CHGB: variants seen among roughly 807,000 people sequenced by gnomAD.
The protein encoded by CHGB is chromogranin B, also known as secretogranin-1.
In CHGB, 46 loss-of-function variants were observed where a neutral mutation model predicts 69.9. That is an observed-to-expected ratio of 0.66 (90% confidence interval 0.52 to 0.84). The LOEUF is 0.84. Among genes scored for constraint, CHGB ranks in the 40% least tolerant of loss-of-function variants. The pLI is 0.00. For synonymous variants in CHGB, 312 were observed against 298.2 expected, an observed-to-expected ratio of 1.05 and a Z score of -0.48; for missense variants, 796 against 822.2, an observed-to-expected ratio of 0.97 and a Z score of 0.39.
intron 4 of CHGB, among the ~76,000 whole-genome samples, 176 bp from the exon 5 acceptor site, chr20:5,924,796 A>T (rs2088540152): frequency 6.6e-6 from 1 of 152,178 alleles, no homozygotes; most frequent in Non-Finnish European, 1.5e-5. Flanking sequence ...TGCATTTCTG[A>T]CAAGTTCCTG....
At chr20:5,921,513 T>C (rs2088513840) in intron 3 of CHGB, among the ~76,000 whole-genome samples, 1 of 152,232 alleles carries the variant, frequency 6.6e-6, no homozygotes, top group South Asian at 2.1e-4. Flanking sequence ...GAGCTATTGA[T>C]ATTTGGAAAA....
chr20:5,922,849 T>C lies in CHGB; in HGVS notation c.705T>C (p.Ser235=). The stretch of plus-strand genomic sequence containing the variant: ...AGAAGACACATAGCCGAGAGAAGAG[T>C]AGCCAGGAGAGTGGAGAGGAGACAG... ...SQEKTHSREK[S]SQESGEETGS... The change falls in exon 4 of 5, where the codon AGT becomes AGC. Residue 235 remains serine (S), a synonymous_variant. Coordinates refer to ENST00000378961, the MANE Select transcript of CHGB (RefSeq NM_001819.3). 6.2e-7 allele frequency: 1 copy of C among 1,612,406 alleles called. No homozygotes were observed. The highest frequency in any genetic ancestry group is 8.5e-7 in the Non-Finnish European group (1 of 1,179,554).
In CHGB at chr20:5,923,267, C is replaced by A; in HGVS notation, c.1123C>A (p.Pro375Thr). The change falls in exon 4 of 5, where the codon CCT becomes ACT. Residue 375 changes from proline (P) to threonine (T), a missense_variant. Physicochemically the swap from Pro to Thr is conservative, Grantham distance 38. Coordinates refer to ENST00000378961, the MANE Select transcript of CHGB (RefSeq NM_001819.3). ...AAGTGAAGAATACAGGGCTCCAAGA[C>A]CTCAGAGTGAGGAGAGTTGGGATGA... Reference protein sequence around the residue: ...RGSEEYRAPRPQSEESWDEED... With the variant: ...RGSEEYRAPRTQSEESWDEED... The A allele has an allele frequency of 3.1e-6, 5 of 1,613,682 alleles. No homozygotes were observed. The highest frequency in any genetic ancestry group is 4.2e-6 in the Non-Finnish European group (5 of 1,179,972).
intron 1 of CHGB, 59 bp downstream of exon 1, chr20:5,911,741 G>A: frequency 7.4e-7 from 1 of 1,342,396 alleles, no homozygotes; most frequent in Non-Finnish European, 9.6e-7. Flanking sequence ...GCTCTTCCCC[G>A]CCGCTCCCGC....
intron 3 of CHGB, among the ~76,000 whole-genome samples, chr20:5,920,294 G>A (rs886391650): frequency 6.6e-6 from 1 of 152,256 alleles, no homozygotes; most frequent in African/African-American, 2.4e-5. Context: ...GCCCCTGGAG[G>A]CTGAGATCTT....
intron 1 of CHGB, among the ~76,000 whole-genome samples, chr20:5,912,631 T>C (rs1260226219): frequency 6.6e-6 from 1 of 151,580 alleles, no homozygotes; most frequent in Non-Finnish European, 1.5e-5. Context: ...AGATCTGAAG[T>C]GTGTGTGTGT....
intron 1 of CHGB, 105 bp downstream of exon 1, chr20:5,911,787 T>C: frequency 1.8e-6 from 2 of 1,097,144 alleles, no homozygotes; most frequent in Non-Finnish European, 2.4e-6. Flanking sequence ...GAGGGAGGGT[T>C]GAGGGGAAGG....
chr20:5,925,045 G>A lies in CHGB; in HGVS notation c.2030G>A (p.Gly677Asp), dbSNP rs1568552867. 1 of 1,610,232 alleles carries A rather than the reference G, an allele frequency of 6.2e-7. No individual in the cohort carries two copies. Among genetic ancestry groups the A allele is most frequent in the South Asian group, 1.1e-5 (1 of 90,904 alleles). The change falls in exon 5 of 5, where the codon GGC becomes GAC. Residue 677 changes from glycine (G) to aspartate (D), a missense_variant. Around this residue, in one of 3 missense-constraint regions of CHGB, gnomAD observed 274 missense variants for 298.9 expected, o/e 0.92. Transcript: ENST00000378961. ...QKIAEKFSQR[G>D] ...ATAGCTGAGAAATTCAGCCAAAGGG[G>A]CTGACTGTCATTGGAGCGGTGGGCA...
intron 3 of CHGB, among the ~76,000 whole-genome samples, chr20:5,919,845 T>G (rs1303895722): frequency 6.6e-6 from 1 of 152,210 alleles, no homozygotes; most frequent in East Asian, 1.9e-4. Context: ...CTCCCACTCC[T>G]ACTTGCATGT....
chr20:5,917,178 T>C, intron 3 of CHGB: 3 of 486,378 alleles, frequency 6.2e-6, no homozygotes, highest in Non-Finnish European at 1.1e-5. Flanking sequence ...TTGAACTCAG[T>C]GATAGTCTTT....
chr20:5,922,395 G>T lies in CHGB; in HGVS notation c.251G>T (p.Arg84Ile). The change falls in exon 4 of 5, where the codon AGA becomes ATA. Residue 84 changes from arginine to isoleucine, a missense_variant. Coordinates refer to ENST00000378961, the MANE Select transcript of CHGB (RefSeq NM_001819.3). Reference protein sequence around the residue: ...TENENTKFEVRLLRDPADASE... With the variant: ...TENENTKFEVILLRDPADASE... ...AATGAAAACACAAAGTTTGAAGTAAGATTGTTAAGAGACCCAGCTGATGCC... is the reference window on the plus strand; with the variant it reads ...AATGAAAACACAAAGTTTGAAGTAATATTGTTAAGAGACCCAGCTGATGCC... 1 of 1,595,096 alleles carries T rather than the reference G, an allele frequency of 6.3e-7. No homozygotes were observed. The highest frequency in any genetic ancestry group is 8.6e-7 in the Non-Finnish European group (1 of 1,167,180).
rs1381388192 is a variant in CHGB at position 5,924,964 on chromosome 20, T to C, written c.1957-8T>C. On this transcript the variant is annotated splice_region_variant and splice_polypyrimidine_tract_variant and intron_variant, in intron 4 of 4. Coordinates refer to ENST00000378961, the MANE Select transcript of CHGB (RefSeq NM_001819.3). ...GACCTCATGCCTCCACTTTTCTGTA[T>C]TTTCCAGAAAAAAGAACTCGAAAAC... 1 of 1,598,766 alleles carries C rather than the reference T, an allele frequency of 6.3e-7. No individual in the cohort carries two copies. Among genetic ancestry groups the C allele is most frequent in the African/African-American group, 1.3e-5 (1 of 74,596 alleles).
chr20:5,925,218 T>C lies in CHGB; in HGVS notation c.*169T>C. 1 of 510,024 alleles carries C rather than the reference T, an allele frequency of 2.0e-6. No homozygotes were observed. The allele number at this position is 510,024 out of a possible 1,614,324, so 31.6% of individuals were successfully genotyped here. A position where few individuals can be genotyped will look rare whatever the true frequency, so the allele number is the denominator to read the frequency against. ...TCTTTAATTTCTGTCAGAATGCTATTGAAAATGTGAATTGCATGACTTGTA... is the reference window on the plus strand; with the variant it reads ...TCTTTAATTTCTGTCAGAATGCTATCGAAAATGTGAATTGCATGACTTGTA... On this transcript the variant is annotated 3_prime_UTR_variant, in exon 5 of 5. Transcript: ENST00000378961.
rs1414465890 is a variant in CHGB at position 5,923,130 on chromosome 20, CA to C, written c.988del (p.Thr330ProfsTer16). ...ASLGEKRDHH[S>X]THYRASEEEP... ...TTAGGGGAAAAGAGGGACCACCATT[CA>C]ACCCACTACAGGGCTTCAGAGGAAG... On this transcript the variant is annotated frameshift_variant, in exon 4 of 5. Coordinates refer to ENST00000378961, the MANE Select transcript of CHGB (RefSeq NM_001819.3). LOFTEE classifies it high-confidence loss of function. The C allele has an allele frequency of 1.2e-6, 2 of 1,614,042 alleles. No homozygotes were observed. The highest frequency in any genetic ancestry group is 2.7e-5 in the African/African-American group (2 of 74,886).
chr20:5,916,452 A>G, intron 2 of CHGB, 80 bp downstream of exon 2: 1 of 1,189,478 alleles, frequency 8.4e-7, no homozygotes, highest in South Asian at 1.3e-5. Flanking sequence ...ACCAAACCAA[A>G]CACACGCATG....
At chr20:5,921,499 A>G (rs1326904311) in intron 3 of CHGB, among the ~76,000 whole-genome samples, 1 of 152,252 alleles carries the variant, frequency 6.6e-6, no homozygotes, top group Non-Finnish European at 1.5e-5. Flanking sequence ...AGGACTTAGT[A>G]AAGGAGCTAT....
Position 5,922,912 on chromosome 20 carries a change from A to C in CHGB, c.768A>C (p.Gln256His), listed in dbSNP as rs1484299710. 3.1e-6 allele frequency: 5 copies of C among 1,613,428 alleles called. No homozygotes were observed. The highest frequency in any genetic ancestry group is 1.7e-5 in the Admixed American group (1 of 59,932). The change falls in exon 4 of 5, where the codon CAA becomes CAC. Residue 256 changes from glutamine (Q) to histidine (H), a missense_variant. By Grantham distance (24) the Gln-to-His change is conservative (BLOSUM62 0). Transcript: ENST00000378961. ...QENHPQESKG[Q>H]PRSQEESEEG... ...ATCACCCCCAGGAGTCTAAAGGCCA[A>C]CCCCGAAGCCAGGAAGAATCTGAGG...
intron 1 of CHGB, 32 bp from the exon 2 acceptor site, chr20:5,916,294 A>C: frequency 6.2e-7 from 1 of 1,604,116 alleles, no homozygotes; most frequent in Admixed American, 1.7e-5. Context: ...AAACCAACTC[A>C]AGTCATTTTC....
chr20:5,919,659 TG>T (rs2088502244), intron 3 of CHGB, among the ~76,000 whole-genome samples: 1 of 152,236 alleles, frequency 6.6e-6, no homozygotes, highest in Admixed American at 6.5e-5. Context: ...CTAAAACTGC[TG>T]TTTAGGTCAA....
Sources: gnomAD v4.1 joint callset for allele counts (sites outside exome capture counted in the v4.1 genomes callset) on GRCh38, gnomAD v4.1.1 for gene constraint, gnomAD v4.1.1 regional missense constraint, MANE v1.5 for transcripts, NCBI Gene and HGNC (gene_info 2026-07-23, HGNC 2026-07-21) for gene names.